Variants in CALN1 observed in about 807,000 individuals in gnomAD.
CALN1 encodes the protein calneuron 1.
CALN1 carries 17 observed loss-of-function variants against 30.6 expected under a neutral mutation model. That is an observed-to-expected ratio of 0.56 (90% confidence interval 0.38 to 0.83). CALN1 has a LOEUF of 0.83. CALN1 is among the 40% of genes least tolerant of loss of function. The probability of loss-of-function intolerance (pLI) is 0.00; values close to 1 mark genes in which losing one functional copy is unlikely to be tolerated. For missense variants in CALN1, 291 were observed against 354.9 expected, an observed-to-expected ratio of 0.82 and a Z score of 1.45; for synonymous variants, 156 against 131.4, an observed-to-expected ratio of 1.19 and a Z score of -1.28.
intron 6 of CALN1, among the ~76,000 whole-genome samples, chr7:71,797,799 C>T (rs1787017782): frequency 6.6e-6 from 1 of 152,160 alleles, no homozygotes; most frequent in African/African-American, 2.4e-5. Flanking sequence ...TTCACCACCA[C>T]TCCATCTGGT....
the CALN1 span, among the ~76,000 whole-genome samples, chr7:72,500,269 C>CTTCTTTTT: frequency 5.8e-5 from 3 of 51,364 alleles, no homozygotes; most frequent in Non-Finnish European, 6.7e-5. Context: ...TTCGTTCCTT[C>CTTCTTTTT]TTTTTTTTTT....
chr7:72,013,247 ATTTTTTTTTT>A (rs1025112311), intron 5 of CALN1, among the ~76,000 whole-genome samples: 2 of 92,982 alleles, frequency 2.2e-5, no homozygotes, highest in Non-Finnish European at 3.9e-5. Context: ...CTAATTTGAG[ATTTTTTTTTT>A]TTTTTTTTTT....
rs181597268 is a variant in CALN1, at chr7:72,436,036, T to C, written c.-226+11006A>G. 2.6e-5 allele frequency among the ~76,000 whole-genome samples: 4 copies of C among 152,302 alleles called. No homozygotes were observed. The East Asian group carries it at 7.7e-4, about 30-fold the overall frequency. ...TATGAGATGCCCCCCAGCCTGGGTC[T>C]AAATGGCCAGCTTCCCTGTGATTCC... On this transcript the variant is annotated intron_variant, in intron 1 of 6. Transcript: ENST00000395276.
Position 72,165,916 on chromosome 7 carries a change from C to CA in CALN1, c.245-59623dup, listed in dbSNP as rs1370272224. On this transcript the variant is annotated intron_variant, in intron 3 of 6. Transcript: ENST00000395275. ...CCGTGATGTTGCCAAGAAACTGCACCAGTAGGCATGTTAGGATCAACCAAC... is the reference window on the plus strand; with the variant it reads ...CCGTGATGTTGCCAAGAAACTGCACCAAGTAGGCATGTTAGGATCAACCAAC... 2.6e-5 allele frequency among the ~76,000 whole-genome samples: 4 copies of CA among 152,082 alleles called. No homozygotes were observed. The East Asian group carries it at 7.7e-4, about 29-fold the overall frequency.
At chr7:72,463,394 C>T in the CALN1 span, among the ~76,000 whole-genome samples, 1 of 152,284 alleles carries the variant, frequency 6.6e-6, no homozygotes, top group East Asian at 1.9e-4. Flanking sequence ...CTGCCCGCCT[C>T]GGCCTCCCAA....
intron 1 of CALN1, among the ~76,000 whole-genome samples, chr7:72,434,022 T>C (rs936263397): frequency 2.6e-5 from 4 of 151,642 alleles, no homozygotes; most frequent in African/African-American, 7.3e-5. Flanking sequence ...ATCATGCCAC[T>C]GCTCTCCAGC....
At chr7:72,217,633 C>T (rs991788569) in intron 3 of CALN1, among the ~76,000 whole-genome samples, 1 of 151,822 alleles carries the variant, frequency 6.6e-6, no homozygotes, top group Non-Finnish European at 1.5e-5. Flanking sequence ...ATTTCACAGG[C>T]ATCTCTAGGG....
At chr7:72,013,276 C>A (rs1167403468) in intron 5 of CALN1, among the ~76,000 whole-genome samples, 14 of 89,598 alleles carry the variant, frequency 1.6e-4, no homozygotes, top group East Asian at 7.8e-4. Context: ...TTTTTTGAGA[C>A]AGGATCTGGC....
At chr7:71,987,707 A>G (rs1798746368) in intron 5 of CALN1, among the ~76,000 whole-genome samples, 1 of 152,224 alleles carries the variant, frequency 6.6e-6, no homozygotes, top group Non-Finnish European at 1.5e-5. Flanking sequence ...GATTTTGAGC[A>G]GAGGCGTGAC....
chr7:72,386,346 G>A (rs935645146), intron 2 of CALN1, among the ~76,000 whole-genome samples: 8 of 152,222 alleles, frequency 5.3e-5, no homozygotes, highest in South Asian at 2.1e-4. Flanking sequence ...GAAGGGGTTC[G>A]GAGAAAAGTG....
intron 3 of CALN1, among the ~76,000 whole-genome samples, chr7:72,205,572 A>ATATATATATATATATC (rs1791803477): frequency 7.9e-6 from 1 of 126,688 alleles, no homozygotes; most frequent in Non-Finnish European, 1.6e-5. Context: ...ATATATGTAT[A>ATATATATATATATATC]TATATATATA....
chr7:71,887,495 A>G (rs576012362), intron 5 of CALN1, among the ~76,000 whole-genome samples: 1 of 152,196 alleles, frequency 6.6e-6, no homozygotes, highest in Admixed American at 6.5e-5. Context: ...GGGTTTCTCC[A>G]TGTTGGTGGT....
the CALN1 span, among the ~76,000 whole-genome samples, chr7:72,481,591 C>T: frequency 6.6e-6 from 1 of 152,154 alleles, no homozygotes; most frequent in Non-Finnish European, 1.5e-5. Flanking sequence ...CTCTAATATA[C>T]TCGTTAGTGC....
At chr7:71,999,273 A>G (rs1463778778) in intron 5 of CALN1, among the ~76,000 whole-genome samples, 3 of 152,258 alleles carry the variant, frequency 2.0e-5, no homozygotes, top group Non-Finnish European at 4.4e-5. Flanking sequence ...TCAATCCACC[A>G]GGATGATATG....
intron 2 of CALN1, among the ~76,000 whole-genome samples, chr7:72,326,801 G>T (rs1169682990): frequency 5.3e-5 from 8 of 152,162 alleles, no homozygotes; most frequent in African/African-American, 1.7e-4. Flanking sequence ...TGAGTGTAGG[G>T]GAAAGGGCTC....
chr7:72,311,667 T>C (rs867456142), intron 2 of CALN1, among the ~76,000 whole-genome samples: 37 of 143,164 alleles, frequency 2.6e-4, no homozygotes, highest in Middle Eastern at 6.9e-3. Context: ...TTTTTTTTTT[T>C]TTTTTTTTTT....
At chr7:71,957,134 G>A (rs898976289) in intron 5 of CALN1, among the ~76,000 whole-genome samples, 12 of 151,782 alleles carry the variant, frequency 7.9e-5, no homozygotes, top group African/African-American at 1.2e-4. Flanking sequence ...TATCGCAGCC[G>A]AAGACATGGT....
chr7:72,370,866 T>C (rs1365730274), intron 2 of CALN1, among the ~76,000 whole-genome samples: 1 of 151,866 alleles, frequency 6.6e-6, no homozygotes, highest in African/African-American at 2.4e-5. Context: ...GCCAACATGG[T>C]GAAGCCGCAT....
intron 3 of CALN1, among the ~76,000 whole-genome samples, chr7:72,201,990 A>G (rs1791468653): frequency 6.6e-6 from 1 of 152,210 alleles, no homozygotes; most frequent in Non-Finnish European, 1.5e-5. Flanking sequence ...AAACCCTTTC[A>G]AAACCATATC....
Sources: allele counts gnomAD v4.1 joint callset (sites outside exome capture counted in the v4.1 genomes callset), GRCh38; gene constraint gnomAD v4.1.1; transcripts MANE v1.5; gene names NCBI Gene and HGNC (gene_info 2026-07-23, HGNC 2026-07-21).